APLF: variants seen among roughly 807,000 people sequenced by gnomAD.
The protein encoded by APLF is aprataxin and PNKP like factor, also known as aprataxin and PNK-like factor.
Under a neutral mutation model 55.6 loss-of-function variants are expected in APLF, and 61 were observed. That is an observed-to-expected ratio of 1.10 (90% CI 0.89 to 1.36). APLF has a LOEUF of 1.36. Among genes scored for constraint, APLF ranks in the 40% most tolerant of loss-of-function variants. The pLI is 0.00. For missense variants in APLF, 611 were observed against 602.5 expected (o/e 1.01, Z -0.15); for synonymous variants, 207 against 214.8 (o/e 0.96, Z 0.32).
chr2:68,535,207 G>T, intron 6 of APLF: 1 of 333,808 alleles, frequency 3.0e-6, no homozygotes, highest in South Asian at 2.5e-5. Flanking sequence ...AGATGGAGTT[G>T]AAATATGATA....
At chr2:68,477,597 A>G (rs933082704) in intron 1 of APLF, among the ~76,000 whole-genome samples, 1 of 152,208 alleles carries the variant, frequency 6.6e-6, no homozygotes, top group Middle Eastern at 3.2e-3. Context: ...CCATGACTGC[A>G]CCATTTTACT....
chr2:68,537,461 AGGTTCAAGC>A (rs1670424596), intron 6 of APLF, among the ~76,000 whole-genome samples: 1 of 151,334 alleles, frequency 6.6e-6, no homozygotes, highest in South Asian at 2.1e-4. Flanking sequence ...TCTGCCTCTC[AGGTTCAAGC>A]GATTCTCCTG....
At chr2:68,483,141 G>A (rs908911031) in intron 1 of APLF, among the ~76,000 whole-genome samples, 1 of 152,142 alleles carries the variant, frequency 6.6e-6, no homozygotes, top group Non-Finnish European at 1.5e-5. Context: ...AGTGGCTCTG[G>A]TTTCAAGAAG....
chr2:68,498,493 A>G (rs1156699099), intron 2 of APLF, among the ~76,000 whole-genome samples: 1 of 152,226 alleles, frequency 6.6e-6, no homozygotes, highest in Non-Finnish European at 1.5e-5. Flanking sequence ...TTTAAATTGG[A>G]TGACTTTCTG....
At chr2:68,559,964 A>G (rs752860408) in intron 8 of APLF, among the ~76,000 whole-genome samples, 18 of 152,012 alleles carry the variant, frequency 1.2e-4, no homozygotes, top group African/African-American at 2.4e-4. Context: ...AAGTGTATCA[A>G]TCTTCATTAT....
At chr2:68,542,926 A>C (rs1670597272) in intron 7 of APLF, among the ~76,000 whole-genome samples, 1 of 152,174 alleles carries the variant, frequency 6.6e-6, no homozygotes, top group Admixed American at 6.5e-5. Context: ...GAATAAAGAA[A>C]ATTTGGTATA....
At chr2:68,483,623 A>G (rs1676035542) in intron 1 of APLF, among the ~76,000 whole-genome samples, 1 of 152,182 alleles carries the variant, frequency 6.6e-6, no homozygotes. Flanking sequence ...AAATTAAAGT[A>G]TAAAGTATTA....
At position 68,529,157 on chromosome 2, in the gene APLF, T is replaced by G; in HGVS notation, c.804+2915T>G. Reference sequence around the variant, plus strand: ...GTTGCGAGCAGACAGCACGGGTTTCTTCCTTGAGGGGGGGCTCCAGACAAC... The same window carrying G: ...GTTGCGAGCAGACAGCACGGGTTTCGTCCTTGAGGGGGGGCTCCAGACAAC... On this transcript the variant is annotated intron_variant, in intron 6 of 9. Transcript: ENST00000303795. The surrounding 1 kb of genome is among the most constrained non-coding windows in gnomAD (Gnocchi z 4.4). The G allele has an allele frequency of 7.7e-7, 1 of 1,304,942 alleles. No individual in the cohort carries two copies. The allele number at this position is 1,304,942 out of a possible 1,614,324, so 80.8% of individuals were successfully genotyped here.
At chr2:68,555,250 A>G (rs13013374) in intron 8 of APLF, among the ~76,000 whole-genome samples, 62,219 of 151,990 alleles carry the variant, frequency 0.41, 14,151 homozygotes, top group African/African-American at 0.62. Flanking sequence ...ATTGGCTTAG[A>G]CAAGGATTTC....
rs773469147 is a variant in APLF at position 68,538,054 on chromosome 2, G to C, written c.987G>C (p.Ser329=). The change falls in exon 7 of 10, where the codon TCG becomes TCC. Residue 329 remains serine (S), a synonymous_variant. Coordinates refer to ENST00000303795, the MANE Select transcript of APLF (RefSeq NM_173545.3). ...CAATGAGCTGTTCTGAAAATTGTTCGAGTGCCCAGGGCGACTCACTTCAGG... is the reference window on the plus strand; with the variant it reads ...CAATGAGCTGTTCTGAAAATTGTTCCAGTGCCCAGGGCGACTCACTTCAGG... ...DEAMSCSENC[S]SAQGDSLQDE... is the part of the protein sequence containing the mutation. The C allele has an allele frequency of 1.9e-6, 3 of 1,614,082 alleles. No homozygotes were observed. The highest frequency in any genetic ancestry group is 2.5e-6 in the Non-Finnish European group (3 of 1,180,006).
In APLF at chr2:68,490,181, A is replaced by G. The variant is rs1269765995; in HGVS notation, c.97-9A>G. ...CTATTCTTAATCTTTTAATTTTTTT[A>G]CTGTATAGATAACAGACAAGAGAGT... On this transcript the variant is annotated splice_polypyrimidine_tract_variant and intron_variant, in intron 1 of 9. Transcript: ENST00000303795. 2 of 1,572,572 alleles carry G rather than the reference A, an allele frequency of 1.3e-6. No individual in the cohort carries two copies. Among genetic ancestry groups the G allele is most frequent in the African/African-American group, 1.4e-5 (1 of 72,632 alleles).
rs113607807 is a variant in APLF at position 68,577,167 on chromosome 2, G to A, written c.1334-653G>A. Among the ~76,000 whole-genome samples, 871 of 152,298 alleles carry A rather than the reference G, an allele frequency of 5.7e-3. 5 individuals are homozygous for A. The highest frequency in any genetic ancestry group is 0.02 in the African/African-American group (832 of 41,576). On this transcript the variant is annotated intron_variant, in intron 9 of 9. Transcript: ENST00000303795. Reference sequence around the variant, plus strand: ...TCCAAAGTATCTAAGCTCACGCCCTGATGTGTCAGCAAGCTTTTGCTAGGT... The same window carrying A: ...TCCAAAGTATCTAAGCTCACGCCCTAATGTGTCAGCAAGCTTTTGCTAGGT...
intron 9 of APLF, among the ~76,000 whole-genome samples, chr2:68,571,637 G>T (rs1039228245): frequency 6.6e-6 from 1 of 152,112 alleles, no homozygotes; most frequent in African/African-American, 2.4e-5. Context: ...GGGCTCTTCT[G>T]TTCCATTGAT....
At chr2:68,484,478 C>T (rs998415825) in intron 1 of APLF, among the ~76,000 whole-genome samples, 44 of 151,976 alleles carry the variant, frequency 2.9e-4, no homozygotes, top group African/African-American at 8.7e-4. Flanking sequence ...CATTCAAGGT[C>T]AGGAATTCGA....
intron 5 of APLF, among the ~76,000 whole-genome samples, chr2:68,514,613 A>G (rs1424883325): frequency 6.6e-6 from 1 of 151,634 alleles, no homozygotes; most frequent in African/African-American, 2.4e-5. Context: ...TCAAGTTTTT[A>G]TGTAGGTTTT....
At chr2:68,570,940 T>C (rs1188496018) in intron 9 of APLF, among the ~76,000 whole-genome samples, 1 of 152,144 alleles carries the variant, frequency 6.6e-6, no homozygotes, top group Non-Finnish European at 1.5e-5. Flanking sequence ...TGTTTCTCCA[T>C]ATCCTCTCCA....
At chr2:68,473,284 C>T (rs75430582) in intron 1 of APLF, among the ~76,000 whole-genome samples, 318 of 152,246 alleles carry the variant, frequency 2.1e-3, no homozygotes, top group African/African-American at 7.1e-3. Context: ...AGTACATAAC[C>T]TTTTCAGGTT....
Position 68,579,434 on chromosome 2 carries a change from ACTC to A in APLF, c.*1415_*1417del. On this transcript the variant is annotated 3_prime_UTR_variant, in exon 10 of 10. Transcript: ENST00000303795. ...TAATCCTTGAAGTGTTACATAATCT[ACTC>A]CTAGGTATATACCCAGAGGAATTGA... The A allele has an allele frequency of 2.1e-6, 2 of 944,776 alleles. No homozygotes were observed. The highest frequency in any genetic ancestry group is 2.5e-6 in the Non-Finnish European group (2 of 793,092). The allele number at this position is 944,776 out of a possible 1,614,324, so 58.5% of individuals were successfully genotyped here.
At chr2:68,555,911 A>G (rs554384521) in intron 8 of APLF, among the ~76,000 whole-genome samples, 1 of 152,370 alleles carries the variant, frequency 6.6e-6, no homozygotes, top group South Asian at 2.1e-4. Context: ...ACGCATGTTT[A>G]TAGCAGCACA....
Sources: allele counts gnomAD v4.1 joint callset (sites outside exome capture counted in the v4.1 genomes callset), GRCh38; gene constraint gnomAD v4.1.1; non-coding constraint Gnocchi (gnomAD v3.1); transcripts MANE v1.5; gene names NCBI Gene and HGNC (gene_info 2026-07-23, HGNC 2026-07-21).